The following SPMIP3 variants were observed in gnomAD, a reference collection of about 807,000 sequenced individuals.
SPMIP3 encodes the protein protein SPMIP3.
At chr1:244,388,962 A>C in the SPMIP3 span, 2 of 1,613,382 alleles carry the variant, frequency 1.2e-6, no homozygotes, top group East Asian at 4.5e-5. Flanking sequence ...TTGGAACCAG[A>C]AATTAGCCAC....
the SPMIP3 span, among the ~76,000 whole-genome samples, chr1:244,372,700 C>T: frequency 1.3e-5 from 2 of 152,210 alleles, no homozygotes; most frequent in African/African-American, 4.8e-5. Flanking sequence ...GCCTTGGCCT[C>T]CCAAAGTGCT....
At chr1:244,363,333 GGGAGGT>G in the SPMIP3 span, among the ~76,000 whole-genome samples, 2 of 152,230 alleles carry the variant, frequency 1.3e-5, no homozygotes, top group African/African-American at 4.8e-5. Context: ...GTTTGAACCC[GGGAGGT>G]GGAGGTGGCA....
chr1:244,369,428 G>T, the SPMIP3 span, among the ~76,000 whole-genome samples: 1 of 152,232 alleles, frequency 6.6e-6, no homozygotes, highest in Admixed American at 6.5e-5. Flanking sequence ...CCCATCCTGC[G>T]TGGGATGATA....
chr1:244,380,867 G>A, the SPMIP3 span, among the ~76,000 whole-genome samples: 1 of 151,978 alleles, frequency 6.6e-6, no homozygotes, highest in East Asian at 1.9e-4. Flanking sequence ...TGAGCCAGGG[G>A]TAGGGGTGGC....
chr1:244,375,618 A>C, the SPMIP3 span: 1 of 525,164 alleles, frequency 1.9e-6, no homozygotes, highest in Non-Finnish European at 3.3e-6. Context: ...AAAATATACC[A>C]AACTGTTAAT....
the SPMIP3 span, among the ~76,000 whole-genome samples, chr1:244,353,696 G>C: frequency 6.6e-6 from 1 of 152,058 alleles, no homozygotes; most frequent in African/African-American, 2.4e-5. Context: ...ATTTAGGCTA[G>C]AGAAGGAAAA....
chr1:244,386,783 T>C, the SPMIP3 span, among the ~76,000 whole-genome samples: 1 of 152,214 alleles, frequency 6.6e-6, no homozygotes, highest in African/African-American at 2.4e-5. Context: ...TCCAGAAATG[T>C]TTATTTCTTG....
At chr1:244,373,335 T>C in the SPMIP3 span, among the ~76,000 whole-genome samples, 12 of 120,224 alleles carry the variant, frequency 1.0e-4, no homozygotes, top group Non-Finnish European at 1.4e-4. Flanking sequence ...AAAAAAATTA[T>C]ATATATATAT....
the SPMIP3 span, among the ~76,000 whole-genome samples, chr1:244,357,420 A>G: frequency 1.3e-5 from 2 of 152,020 alleles, no homozygotes; most frequent in African/African-American, 4.8e-5. Context: ...TAAAATTAAG[A>G]ATACTGGGCT....
the SPMIP3 span, among the ~76,000 whole-genome samples, chr1:244,372,504 C>T: frequency 6.7e-6 from 1 of 150,262 alleles, no homozygotes; most frequent in Non-Finnish European, 1.5e-5. Context: ...AGTGCAGTGG[C>T]ACGATCTCAG....
At chr1:244,357,364 A>G in the SPMIP3 span, among the ~76,000 whole-genome samples, 2 of 152,038 alleles carry the variant, frequency 1.3e-5, no homozygotes, top group African/African-American at 4.8e-5. Flanking sequence ...TTTTAAATAG[A>G]GTGGTGGATG....
the SPMIP3 span, among the ~76,000 whole-genome samples, chr1:244,358,662 A>C: frequency 6.6e-6 from 1 of 152,108 alleles, no homozygotes; most frequent in South Asian, 2.1e-4. Flanking sequence ...TATGATACAA[A>C]AACATGAAAA....
the SPMIP3 span, among the ~76,000 whole-genome samples, chr1:244,374,562 T>C: frequency 1.3e-5 from 2 of 149,408 alleles, no homozygotes; most frequent in South Asian, 2.1e-4. Context: ...GACAGAGCCC[T>C]CCGTTTACGG....
At chr1:244,389,337 G>A in the SPMIP3 span, 99 of 241,892 alleles carry the variant, frequency 4.1e-4, no homozygotes, top group Non-Finnish European at 6.6e-4. Flanking sequence ...CAATGTATAC[G>A]CAGGATCAGG....
At chr1:244,375,725 C>T in the SPMIP3 span, among the ~76,000 whole-genome samples, 8 of 151,814 alleles carry the variant, frequency 5.3e-5, no homozygotes, top group Admixed American at 2.0e-4. Flanking sequence ...AGTGCAGTGG[C>T]GAGATCTTGC....
At chr1:244,386,710 T>G in the SPMIP3 span, among the ~76,000 whole-genome samples, 18 of 152,208 alleles carry the variant, frequency 1.2e-4, no homozygotes, top group Admixed American at 3.3e-4. Flanking sequence ...AATCTAAAAA[T>G]CCTCAAAGAT....
At chr1:244,368,359 G>A in the SPMIP3 span, among the ~76,000 whole-genome samples, 2 of 152,192 alleles carry the variant, frequency 1.3e-5, no homozygotes, top group Admixed American at 6.5e-5. Context: ...TGTTCTAGGT[G>A]CATCTGAACT....
chr1:244,375,190 A>G, the SPMIP3 span: 1 of 473,676 alleles, frequency 2.1e-6, no homozygotes, highest in South Asian at 3.1e-5. Context: ...GCTATGGTAG[A>G]AAAGGGCTGG....
At chr1:244,379,928 A>G in the SPMIP3 span, among the ~76,000 whole-genome samples, 49 of 150,610 alleles carry the variant, frequency 3.3e-4, 3 homozygotes, top group South Asian at 0.01. Context: ...AGATCGTGCG[A>G]CTGCACTCCA....
Sources: allele counts gnomAD v4.1 joint callset (sites outside exome capture counted in the v4.1 genomes callset), GRCh38; gene constraint gnomAD v4.1.1; transcripts MANE v1.5; gene names NCBI Gene and HGNC (gene_info 2026-07-23, HGNC 2026-07-21).